Variants in CDH18 observed in about 807,000 individuals in gnomAD.
The protein encoded by CDH18 is cadherin-18.
In CDH18, 31 loss-of-function variants were observed where a neutral mutation model predicts 67.9. That is an observed-to-expected ratio of 0.46 (90% confidence interval 0.34 to 0.62). The LOEUF is 0.62. Ranked by LOEUF, CDH18 falls within the 20% of genes least tolerant of loss-of-function variation. The probability of loss-of-function intolerance (pLI) is 0.01; values close to 1 mark genes in which losing one functional copy is unlikely to be tolerated. For synonymous variants in CDH18, 362 were observed against 347.2 expected (o/e 1.04, Z -0.48); for missense variants, 890 against 975.5 (o/e 0.91, Z 1.17).
intron 5 of CDH18, among the ~76,000 whole-genome samples, chr5:19,620,378 G>A (rs1241961000): frequency 1.3e-5 from 2 of 152,138 alleles, no homozygotes; most frequent in Admixed American, 6.5e-5. Flanking sequence ...CAGATCACAA[G>A]ATTACCAATC....
chr5:19,811,090 G>GAAAA (rs1206208980), intron 3 of CDH18, among the ~76,000 whole-genome samples: 11 of 20,992 alleles, frequency 5.2e-4, no homozygotes, highest in African/African-American at 1.9e-3. Flanking sequence ...AAGAAAGAAA[G>GAAAA]AAAGAAAGAA....
At chr5:20,008,241 AC>A (rs568568317) in intron 2 of CDH18, among the ~76,000 whole-genome samples, 16 of 152,208 alleles carry the variant, frequency 1.1e-4, no homozygotes, top group East Asian at 5.8e-4. Flanking sequence ...TATAAAAAAA[AC>A]ATATACATGT....
rs185903129 is a variant in CDH18, at chr5:19,831,521, T to C, written c.228+7238A>G. ...TAAAAATATTTATCACCACTAATTA[T>C]CAGAGAAATGCAAATCAAAACCACA... On this transcript the variant is annotated intron_variant, in intron 3 of 12. Coordinates refer to ENST00000382275, the MANE Select transcript of CDH18 (RefSeq NM_004934.5). Among the ~76,000 whole-genome samples the C allele has an allele frequency of 4.0e-3, 604 of 152,158 alleles. 6 individuals are homozygous for C. Among genetic ancestry groups the C allele is most frequent in the African/African-American group, 0.014 (579 of 41,532 alleles).
chr5:20,441,172 C>CAATT (rs1749579530), intron 1 of CDH18, among the ~76,000 whole-genome samples: 1 of 151,602 alleles, frequency 6.6e-6, no homozygotes, highest in African/African-American at 2.4e-5. Flanking sequence ...GCAGAAAGAA[C>CAATT]AATTGTTCCA....
chr5:20,057,762 T>C (rs1742119979), intron 2 of CDH18, among the ~76,000 whole-genome samples: 1 of 152,140 alleles, frequency 6.6e-6, no homozygotes, highest in Non-Finnish European at 1.5e-5. Flanking sequence ...TCTAATTTGT[T>C]TCAGCAATTC....
intron 5 of CDH18, among the ~76,000 whole-genome samples, chr5:19,677,611 G>C (rs2150371454): frequency 6.6e-6 from 1 of 152,018 alleles, no homozygotes; most frequent in Non-Finnish European, 1.5e-5. Context: ...AAAAGGAACA[G>C]AGTGGCAAGT....
chr5:20,004,040 T>C (rs1484529400), intron 2 of CDH18, among the ~76,000 whole-genome samples: 1 of 152,244 alleles, frequency 6.6e-6, no homozygotes, highest in Non-Finnish European at 1.5e-5. Flanking sequence ...TTCATTCTCA[T>C]GTTACAGTGA....
At chr5:20,546,114 G>A (rs1265644824) in intron 1 of CDH18, among the ~76,000 whole-genome samples, 1 of 152,120 alleles carries the variant, frequency 6.6e-6, no homozygotes, top group Non-Finnish European at 1.5e-5. Context: ...TAGCATGAAT[G>A]ACCTTTACTC....
At chr5:20,519,569 A>G (rs982384010) in intron 1 of CDH18, among the ~76,000 whole-genome samples, 1 of 152,106 alleles carries the variant, frequency 6.6e-6, no homozygotes, top group South Asian at 2.1e-4. Flanking sequence ...ATGTATACAT[A>G]TGTAACAAAC....
intron 2 of CDH18, among the ~76,000 whole-genome samples, chr5:19,971,371 C>T (rs1474943721): frequency 2.0e-5 from 3 of 151,922 alleles, no homozygotes; most frequent in East Asian, 3.9e-4. Context: ...TAAACCTAAT[C>T]AGCAAAAAAA....
Position 19,971,131 on chromosome 5 carries a change from C to T in CDH18, c.-257+9929G>A, listed in dbSNP as rs1797979087. On this transcript the variant is annotated intron_variant, in intron 2 of 12. Coordinates refer to ENST00000382275, the MANE Select transcript of CDH18 (RefSeq NM_004934.5). Reference sequence around the variant, plus strand: ...CATTTTAACCCTAATTAAAGCAAAGCATGCTTATTGATGAAATGCTAGTCT... The same window carrying T: ...CATTTTAACCCTAATTAAAGCAAAGTATGCTTATTGATGAAATGCTAGTCT... 2.0e-5 allele frequency among the ~76,000 whole-genome samples: 3 copies of T among 151,518 alleles called. No individual in the cohort carries two copies. In the South Asian group the frequency reaches 6.2e-4, roughly 31 times the overall value.
At chr5:19,691,894 G>T (rs1007563047) in intron 5 of CDH18, among the ~76,000 whole-genome samples, 1 of 151,778 alleles carries the variant, frequency 6.6e-6, no homozygotes, top group African/African-American at 2.4e-5. Context: ...ATATTCATAT[G>T]GAACCATATA....
At chr5:20,387,053 G>A (rs1323915579) in intron 1 of CDH18, among the ~76,000 whole-genome samples, 1 of 152,038 alleles carries the variant, frequency 6.6e-6, no homozygotes, top group East Asian at 1.9e-4. Context: ...TTTATATAAA[G>A]GACCCGAGAG....
intron 5 of CDH18, among the ~76,000 whole-genome samples, chr5:19,633,427 C>A (rs1306895099): frequency 1.3e-5 from 2 of 151,952 alleles, no homozygotes; most frequent in African/African-American, 4.8e-5. Context: ...AAAACAGTTC[C>A]CAAATGGATA....
chr5:19,683,056 C>T (rs1760557983), intron 5 of CDH18, among the ~76,000 whole-genome samples: 1 of 151,558 alleles, frequency 6.6e-6, no homozygotes, highest in South Asian at 2.1e-4. Flanking sequence ...TTTTACAGAA[C>T]ATATATATAT....
intron 11 of CDH18, among the ~76,000 whole-genome samples, chr5:19,498,850 A>G (rs755796372): frequency 3.9e-5 from 6 of 152,122 alleles, no homozygotes; most frequent in Non-Finnish European, 8.8e-5. Flanking sequence ...TTTCTTGTTA[A>G]GCTTCATTCA....
intron 2 of CDH18, among the ~76,000 whole-genome samples, chr5:20,254,719 C>T (rs900183918): frequency 4.6e-5 from 7 of 152,050 alleles, no homozygotes; most frequent in African/African-American, 2.4e-5. Context: ...GAGTTCTCAA[C>T]GAACTTAAAA....
intron 2 of CDH18, among the ~76,000 whole-genome samples, chr5:20,242,609 A>T (rs865909029): frequency 0.63 from 52,555 of 83,700 alleles, 17,262 homozygotes; most frequent in African/African-American, 0.8. Flanking sequence ...AAAAAAAAAA[A>T]AAATATATAT....
chr5:20,077,502 T>G (rs1744053086), intron 2 of CDH18, among the ~76,000 whole-genome samples: 1 of 152,196 alleles, frequency 6.6e-6, no homozygotes, highest in Admixed American at 6.5e-5. Context: ...TTAAGGATTT[T>G]GATTTACAGG....
Sources: gnomAD v4.1 joint callset for allele counts (sites outside exome capture counted in the v4.1 genomes callset) on GRCh38, gnomAD v4.1.1 for gene constraint, MANE v1.5 for transcripts, NCBI Gene and HGNC (gene_info 2026-07-23, HGNC 2026-07-21) for gene names.